CREG2: variants seen among roughly 807,000 people sequenced by gnomAD.
CREG2 encodes the protein protein CREG2.
CREG2 carries 24 observed loss-of-function variants against 26.2 expected under a neutral mutation model. That is an observed-to-expected ratio of 0.92 (90% CI 0.66 to 1.29). CREG2 has a LOEUF of 1.29. Among genes scored for constraint, CREG2 ranks in the 50% most tolerant of loss-of-function variants. The pLI, the probability that CREG2 is intolerant of heterozygous loss-of-function variation, is 0.00. For missense variants in CREG2, 366 were observed against 398.6 expected, an observed-to-expected ratio of 0.92 and a Z score of 0.70; for synonymous variants, 174 against 169.2, an observed-to-expected ratio of 1.03 and a Z score of -0.22.
Position 101,350,667 on chromosome 2 carries a change from C to T in CREG2, c.*256G>A, listed in dbSNP as rs1438417008. The stretch of plus-strand genomic sequence containing the variant: ...ACCAGCTATTATATGATTTCTGAAT[C>T]GATGAGTCTGGATTGAATACAATGG... On this transcript the variant is annotated 3_prime_UTR_variant, in exon 4 of 4. Coordinates refer to ENST00000324768, the MANE Select transcript of CREG2 (RefSeq NM_153836.4). 5.7e-6 allele frequency: 2 copies of T among 351,330 alleles called. No homozygotes were observed. The highest frequency in any genetic ancestry group is 9.3e-5 in the Admixed American group (2 of 21,556). 21.8% of individuals were successfully genotyped at this position (351,330 alleles called of 1,614,324 possible). A position where few individuals can be genotyped will look rare whatever the true frequency, so the allele number is the denominator to read the frequency against.
chr2:101,377,002 G>A (rs1467326367), intron 2 of CREG2, among the ~76,000 whole-genome samples: 1 of 152,166 alleles, frequency 6.6e-6, no homozygotes, highest in Non-Finnish European at 1.5e-5. Flanking sequence ...TCTGAATATA[G>A]AGAAGTTCCA....
intron 2 of CREG2, among the ~76,000 whole-genome samples, chr2:101,361,787 G>A (rs1684544052): frequency 6.6e-6 from 1 of 152,194 alleles, no homozygotes; most frequent in African/African-American, 2.4e-5. Context: ...CAACACAACT[G>A]TGGTTACTGG....
At chr2:101,357,461 C>G (rs891325095) in intron 2 of CREG2, among the ~76,000 whole-genome samples, 1 of 152,168 alleles carries the variant, frequency 6.6e-6, no homozygotes, top group Non-Finnish European at 1.5e-5. Flanking sequence ...CAAGAGAAAG[C>G]TCTTCTTGGC....
At chr2:101,377,903 T>C (rs1169193895) in intron 2 of CREG2, among the ~76,000 whole-genome samples, 2 of 152,230 alleles carry the variant, frequency 1.3e-5, no homozygotes, top group Non-Finnish European at 2.9e-5. Context: ...TCATGGCTTT[T>C]TAGACTAATC....
At chr2:101,372,057 G>C (rs750075131) in intron 2 of CREG2, among the ~76,000 whole-genome samples, 125 of 151,350 alleles carry the variant, frequency 8.3e-4, no homozygotes, top group Non-Finnish European at 1.3e-3. Context: ...ATGGGTAGAT[G>C]GATGGAAGGA....
At chr2:101,382,966 T>A in intron 2 of CREG2, 1 of 985,782 alleles carries the variant, frequency 1.0e-6, no homozygotes, top group Non-Finnish European at 1.2e-6. Flanking sequence ...TGAATTCAGA[T>A]AAAGGGGCCT....
intron 3 of CREG2, 27 bp downstream of exon 3, chr2:101,355,226 C>T: frequency 7.3e-7 from 1 of 1,366,910 alleles, no homozygotes; most frequent in Non-Finnish European, 1.0e-6. Flanking sequence ...TATTTCTGGG[C>T]ATATAAATTT....
At chr2:101,374,039 T>A (rs914482149) in intron 2 of CREG2, among the ~76,000 whole-genome samples, 1 of 152,210 alleles carries the variant, frequency 6.6e-6, no homozygotes, top group African/African-American at 2.4e-5. Context: ...CTAATTTTTT[T>A]ATTTTTTGTA....
intron 1 of CREG2, 58 bp downstream of exon 1, chr2:101,386,959 C>G (rs955407790): frequency 2.4e-6 from 3 of 1,228,716 alleles, no homozygotes; most frequent in South Asian, 8.2e-5. Flanking sequence ...TCCCTGTCCC[C>G]GTCCCCCGGC....
At chr2:101,380,586 C>G (rs1684856867) in intron 2 of CREG2, among the ~76,000 whole-genome samples, 1 of 152,198 alleles carries the variant, frequency 6.6e-6, no homozygotes, top group Admixed American at 6.5e-5. Context: ...CTCACGCCCT[C>G]CCCAGCTGCA....
At chr2:101,376,880 T>C (rs1573314836) in intron 2 of CREG2, among the ~76,000 whole-genome samples, 1 of 152,248 alleles carries the variant, frequency 6.6e-6, no homozygotes, top group South Asian at 2.1e-4. Context: ...TTAGAAAACT[T>C]CCCTCTCGTC....
intron 3 of CREG2, among the ~76,000 whole-genome samples, chr2:101,352,776 C>G (rs1684401857): frequency 6.6e-6 from 1 of 152,160 alleles, no homozygotes; most frequent in African/African-American, 2.4e-5. Context: ...CCACTGCACT[C>G]CAGCCTGGGC....
intron 2 of CREG2, among the ~76,000 whole-genome samples, chr2:101,359,575 A>C (rs1214437714): frequency 3.3e-5 from 5 of 152,152 alleles, no homozygotes; most frequent in Non-Finnish European, 7.3e-5. Flanking sequence ...TTATTTTTTT[A>C]GAGAGACAGT....
intron 3 of CREG2, among the ~76,000 whole-genome samples, chr2:101,352,040 T>A (rs1485659788): frequency 4.7e-5 from 3 of 63,536 alleles, no homozygotes; most frequent in Non-Finnish European, 8.7e-5. Context: ...CTGGCTAATT[T>A]AAAAAAAATT....
At chr2:101,378,125 C>T (rs1684818242) in intron 2 of CREG2, among the ~76,000 whole-genome samples, 1 of 152,182 alleles carries the variant, frequency 6.6e-6, no homozygotes, top group Admixed American at 6.5e-5. Context: ...CCCCATTCCC[C>T]TCTCTCGCCT....
chr2:101,381,902 T>G (rs1444189901), intron 2 of CREG2, among the ~76,000 whole-genome samples: 1 of 152,154 alleles, frequency 6.6e-6, no homozygotes, highest in Non-Finnish European at 1.5e-5. Context: ...CTGAAGGAAG[T>G]CACCCTGAAA....
In CREG2 at chr2:101,348,247, A is replaced by G. The variant is rs552983933; in HGVS notation, c.*2676T>C. On this transcript the variant is annotated 3_prime_UTR_variant, in exon 4 of 4. Transcript: ENST00000324768. ...TAAATAGAATGATTTCTCCTACCTT[A>G]TTCTGCTTTTACAAGACTGTTTTAG... 1 of 152,326 alleles carries G rather than the reference A, an allele frequency of 6.6e-6. No individual in the cohort carries two copies. The highest frequency in any genetic ancestry group is 2.1e-4 in the South Asian group (1 of 4,830). 9.4% of individuals were successfully genotyped at this position (152,326 alleles called of 1,614,324 possible). A position where few individuals can be genotyped will look rare whatever the true frequency, so the allele number is the denominator to read the frequency against.
At chr2:101,356,375 G>A (rs1684459907) in intron 2 of CREG2, among the ~76,000 whole-genome samples, 1 of 152,208 alleles carries the variant, frequency 6.6e-6, no homozygotes, top group Admixed American at 6.5e-5. Context: ...CAGGGGCCCT[G>A]CCCTCCTGCC....
At chr2:101,375,766 C>CT (rs1684780239) in intron 2 of CREG2, 1 of 156,244 alleles carries the variant, frequency 6.4e-6, no homozygotes, top group South Asian at 1.9e-4. Flanking sequence ...AAGGCTGTGT[C>CT]TCTCCCCTGA....
Sources: allele counts gnomAD v4.1 joint callset (sites outside exome capture counted in the v4.1 genomes callset), GRCh38; gene constraint gnomAD v4.1.1; transcripts MANE v1.5; gene names NCBI Gene and HGNC (gene_info 2026-07-23, HGNC 2026-07-21).